The following MAGI3 variants were observed in gnomAD, a reference collection of about 807,000 sequenced individuals.
MAGI3 encodes membrane associated guanylate kinase, WW and PDZ domain containing 3, also known as membrane-associated guanylate kinase, WW and PDZ domain-containing protein 3.
Under a neutral mutation model 121.8 loss-of-function variants are expected in MAGI3, and 43 were observed. The ratio of observed to expected loss-of-function variants is 0.35; its 90% CI spans 0.28 to 0.46. MAGI3 has a LOEUF of 0.46. Among genes scored for constraint, MAGI3 ranks in the 20% least tolerant of loss-of-function variants. MAGI3 has a pLI of 1.00. For missense variants in MAGI3, 1,547 were observed against 1,797.3 expected (o/e 0.86, Z 2.52); for synonymous variants, 553 against 639.3 (o/e 0.86, Z 2.04).
intron 1 of MAGI3, among the ~76,000 whole-genome samples, chr1:113,482,716 A>G (rs1007593559): frequency 6.6e-6 from 1 of 151,352 alleles, no homozygotes; most frequent in African/African-American, 2.4e-5. Context: ...TTTTTTATGG[A>G]AAATGTAAGT....
chr1:113,654,065 C>T, intron 15 of MAGI3, 47 bp downstream of exon 15: 1 of 1,464,364 alleles, frequency 6.8e-7, no homozygotes. Flanking sequence ...GTCCAGTTTT[C>T]TGAGGCTCCC....
chr1:113,393,608 C>T (rs1650940394), intron 1 of MAGI3, among the ~76,000 whole-genome samples: 1 of 152,070 alleles, frequency 6.6e-6, no homozygotes, highest in South Asian at 2.1e-4. Context: ...AAGATTTTTG[C>T]AGGTTAAACA....
chr1:113,425,485 C>T (rs948103934), intron 1 of MAGI3, among the ~76,000 whole-genome samples: 5 of 151,620 alleles, frequency 3.3e-5, no homozygotes, highest in South Asian at 2.1e-4. Flanking sequence ...GGGATTTCAC[C>T]GTGTTAGCCA....
chr1:113,451,399 TAATC>T (rs1359772602), intron 1 of MAGI3, among the ~76,000 whole-genome samples: 2 of 152,158 alleles, frequency 1.3e-5, no homozygotes, highest in South Asian at 2.1e-4. Flanking sequence ...TTAAAGAAAA[TAATC>T]AAAACTGTGC....
intron 1 of MAGI3, among the ~76,000 whole-genome samples, chr1:113,397,385 T>C (rs937064121): frequency 2.0e-5 from 3 of 152,178 alleles, no homozygotes; most frequent in Non-Finnish European, 2.9e-5. Context: ...GTGAATAATT[T>C]TGAACTTGTT....
Position 113,683,108 on chromosome 1 carries a change from G to C in MAGI3, c.3540G>C (p.Glu1180Asp), listed in dbSNP as rs756806690. 4 of 1,613,372 alleles carry C rather than the reference G, an allele frequency of 2.5e-6. No individual in the cohort carries two copies. The Admixed American group carries it at 6.7e-5, about 27-fold the overall frequency. ...GCACTTTAAATGAAAATCAGCCTGA[G>C]ATAAAGCATCAGTCTCTTCTCCAGA... ...KKSTLNENQPEIKHQSLLQKN... is the reference protein window; with the variant it reads ...KKSTLNENQPDIKHQSLLQKN... The change falls in exon 21 of 21, where the codon GAG becomes GAC. Residue 1180 changes from glutamate (E) to aspartate (D), a missense_variant. Coordinates refer to ENST00000307546, the MANE Select transcript of MAGI3 (RefSeq NM_001142782.2).
In MAGI3 at chr1:113,652,543, T is replaced by G. The variant is rs572048038; in HGVS notation, c.2441-1287T>G. On this transcript the variant is annotated intron_variant, in intron 14 of 20. Coordinates refer to ENST00000307546, the MANE Select transcript of MAGI3 (RefSeq NM_001142782.2). ...GGAGGCCAAATGTAACTACTTACAG[T>G]AAAATTGTGATGTTATACAACCTAC... Among the ~76,000 whole-genome samples, 19 of 152,174 alleles carry G rather than the reference T, an allele frequency of 1.2e-4. No homozygotes were observed. In the South Asian group the frequency reaches 3.9e-3, roughly 32 times the overall value.
At chr1:113,477,050 CTTT>C (rs138155838) in intron 1 of MAGI3, among the ~76,000 whole-genome samples, 1 of 144,812 alleles carries the variant, frequency 6.9e-6, no homozygotes, top group Non-Finnish European at 1.5e-5. Context: ...TGCACCCCTG[CTTT>C]TTTTTTTTTG....
intron 6 of MAGI3, among the ~76,000 whole-genome samples, chr1:113,608,073 C>T (rs923741546): frequency 1.3e-5 from 2 of 152,130 alleles, no homozygotes; most frequent in African/African-American, 4.8e-5. Context: ...GACGTCCTCT[C>T]CTCTGTGCTC....
At chr1:113,434,708 G>A (rs1236211186) in intron 1 of MAGI3, among the ~76,000 whole-genome samples, 1 of 152,108 alleles carries the variant, frequency 6.6e-6, no homozygotes, top group Non-Finnish European at 1.5e-5. Context: ...TTGAAGACAA[G>A]GATCAGTTTC....
At chr1:113,485,931 T>C (rs1342143087) in intron 1 of MAGI3, among the ~76,000 whole-genome samples, 1 of 152,192 alleles carries the variant, frequency 6.6e-6, no homozygotes, top group African/African-American at 2.4e-5. Context: ...GTCTTTTCCC[T>C]ACTGTGTGTT....
intron 1 of MAGI3, among the ~76,000 whole-genome samples, chr1:113,545,088 T>G (rs66782936): frequency 0.3 from 44,834 of 150,930 alleles, 7,513 homozygotes; most frequent in South Asian, 0.41. Context: ...GTTTTGTTTT[T>G]TTTTTACAAA....
chr1:113,544,527 G>A (rs942460492), intron 1 of MAGI3, among the ~76,000 whole-genome samples: 1 of 152,204 alleles, frequency 6.6e-6, no homozygotes, highest in Non-Finnish European at 1.5e-5. Flanking sequence ...ATTCTTATAG[G>A]TGTACAAAAT....
chr1:113,626,424 C>CT (rs535631969), intron 9 of MAGI3, among the ~76,000 whole-genome samples: 83 of 151,986 alleles, frequency 5.5e-4, no homozygotes, highest in South Asian at 1.5e-3. Flanking sequence ...CTGTAGTTTT[C>CT]TTTTTTTTGA....
chr1:113,649,198 A>C (rs1653018942), intron 12 of MAGI3, 39 bp from the exon 13 acceptor site: 1 of 1,491,706 alleles, frequency 6.7e-7, no homozygotes, highest in East Asian at 2.3e-5. Context: ...AATCCTTTTA[A>C]AATAAATCAT....
In MAGI3 at chr1:113,391,250, G is replaced by C. The variant is rs2101251309; in HGVS notation, c.217G>C (p.Glu73Gln). 6.3e-7 allele frequency: 1 copy of C among 1,578,258 alleles called. No homozygotes were observed. The highest frequency in any genetic ancestry group is 1.7e-4 in the Middle Eastern group (1 of 6,014). The change falls in exon 1 of 21, where the codon GAG (glutamate) becomes CAG (glutamine). Residue 73 changes from glutamate (E) to glutamine (Q), a missense_variant. Transcript: ENST00000307546. This position sits in a 1 kb window ranked among gnomAD's most constrained non-coding sequence, Gnocchi z 4.4. ...GCCCAGCCCAGGCGATGTGCTGCTG[G>C]AGGTAAACGGGACGCCTGTCAGCGG... The part of the protein sequence containing the change: ...KAPSPGDVLL[E>Q]VNGTPVSGLT...
At chr1:113,573,444 C>T (rs775669395) in intron 2 of MAGI3, among the ~76,000 whole-genome samples, 35 of 152,142 alleles carry the variant, frequency 2.3e-4, no homozygotes, top group Admixed American at 1.6e-3. Context: ...TCCTTAATTT[C>T]GTTATTTACC....
At chr1:113,418,205 A>G (rs986768556) in intron 1 of MAGI3, among the ~76,000 whole-genome samples, 1 of 152,156 alleles carries the variant, frequency 6.6e-6, no homozygotes, top group African/African-American at 2.4e-5. Context: ...CTAGCATTCA[A>G]GACCTTTATC....
At chr1:113,421,612 C>T (rs1471093896) in intron 1 of MAGI3, among the ~76,000 whole-genome samples, 3 of 152,146 alleles carry the variant, frequency 2.0e-5, no homozygotes, top group Non-Finnish European at 4.4e-5. Flanking sequence ...TATTCCCTAC[C>T]TTTCTTCAGT....
Sources: allele counts gnomAD v4.1 joint callset (sites outside exome capture counted in the v4.1 genomes callset), GRCh38; gene constraint gnomAD v4.1.1; non-coding constraint Gnocchi (gnomAD v3.1); transcripts MANE v1.5; gene names NCBI Gene and HGNC (gene_info 2026-07-23, HGNC 2026-07-21).